Variants in HS3ST4 observed in about 807,000 individuals in gnomAD.
HS3ST4 encodes heparan sulfate-glucosamine 3-sulfotransferase 4.
In HS3ST4, 17 loss-of-function variants were observed where a neutral mutation model predicts 29.2. The observed-to-expected ratio is 0.58, with a 90% CI of 0.40 to 0.87. The LOEUF is 0.87. HS3ST4 is among the 40% of genes least tolerant of loss of function. The pLI is 0.00. For synonymous variants in HS3ST4, 314 were observed against 285.7 expected (o/e 1.10, Z -1.00); for missense variants, 627 against 634.5 (o/e 0.99, Z 0.13).
chr16:26,041,977 T>G (rs1250271457), intron 1 of HS3ST4, among the ~76,000 whole-genome samples: 1 of 152,164 alleles, frequency 6.6e-6, no homozygotes, highest in African/African-American at 2.4e-5. Context: ...GTCATTAAGA[T>G]GTAGGTAGTA....
chr16:25,805,623 C>T (rs771913503), intron 1 of HS3ST4, among the ~76,000 whole-genome samples: 6 of 152,030 alleles, frequency 3.9e-5, no homozygotes, highest in Admixed American at 6.6e-5. Context: ...TGCCTGACCC[C>T]GGACTCCTAT....
intron 1 of HS3ST4, among the ~76,000 whole-genome samples, chr16:25,804,441 A>G (rs758821849): frequency 6.6e-6 from 1 of 152,106 alleles, no homozygotes; most frequent in Non-Finnish European, 1.5e-5. Context: ...TTAATTCCTT[A>G]ACTCCATCAG....
intron 1 of HS3ST4, among the ~76,000 whole-genome samples, chr16:25,787,454 C>T (rs754890136): frequency 6.6e-6 from 1 of 152,218 alleles, no homozygotes; most frequent in Admixed American, 6.5e-5. Context: ...CTTGTATACA[C>T]TCTTGCCTTA....
intron 1 of HS3ST4, among the ~76,000 whole-genome samples, chr16:26,037,220 G>T (rs191692918): frequency 6.6e-6 from 1 of 152,122 alleles, no homozygotes; most frequent in Non-Finnish European, 1.5e-5. Flanking sequence ...CACCTGCTAC[G>T]TGCCTTTCCA....
At chr16:25,995,378 C>A (rs1596638968) in intron 1 of HS3ST4, among the ~76,000 whole-genome samples, 1 of 152,312 alleles carries the variant, frequency 6.6e-6, no homozygotes, top group South Asian at 2.1e-4. Context: ...CTTGTCCCAG[C>A]TCTTGGTTAT....
chr16:26,011,501 A>C (rs1279474552), intron 1 of HS3ST4, among the ~76,000 whole-genome samples: 1 of 152,194 alleles, frequency 6.6e-6, no homozygotes, highest in African/African-American at 2.4e-5. Context: ...CAGAAGTTGC[A>C]GTGAGCTGAG....
intron 1 of HS3ST4, among the ~76,000 whole-genome samples, chr16:25,697,883 G>C (rs1966309242): frequency 6.6e-6 from 1 of 152,066 alleles, no homozygotes; most frequent in African/African-American, 2.4e-5. Flanking sequence ...ATGTTGGCCA[G>C]GATGGTCTCG....
intron 1 of HS3ST4, among the ~76,000 whole-genome samples, chr16:25,693,972 T>G (rs1027805775): frequency 4.6e-5 from 7 of 152,186 alleles, no homozygotes; most frequent in African/African-American, 1.7e-4. Context: ...TAAAATAAAT[T>G]AATAATCCAG....
rs1024412229 is a variant in HS3ST4 at position 25,759,595 on chromosome 16, C to T, written c.734+66444C>T. Reference sequence around the variant, plus strand: ...AGCTGAGAGCCGAAGGATGGAGTTCCGTGTTAGAAGAGAGGAGGGAGAGGC... The same window carrying T: ...AGCTGAGAGCCGAAGGATGGAGTTCTGTGTTAGAAGAGAGGAGGGAGAGGC... On this transcript the variant is annotated intron_variant, in intron 1 of 1. Transcript: ENST00000331351. Among the ~76,000 whole-genome samples the T allele has an allele frequency of 3.9e-5, 6 of 152,038 alleles. No individual in the cohort carries two copies. The East Asian group carries it at 5.8e-4, about 15-fold the overall frequency.
chr16:25,799,956 T>A (rs1966915377), intron 1 of HS3ST4, among the ~76,000 whole-genome samples: 1 of 152,074 alleles, frequency 6.6e-6, no homozygotes, highest in Admixed American at 6.6e-5. Flanking sequence ...GCTCAAGTGA[T>A]CCTTCCGCAT....
intron 1 of HS3ST4, among the ~76,000 whole-genome samples, chr16:25,958,758 G>T (rs141111814): frequency 1.1e-3 from 163 of 152,320 alleles, no homozygotes; most frequent in African/African-American, 3.7e-3. Context: ...GAGCTCAGTT[G>T]TTGGAGGGTA....
chr16:25,700,339 G>A (rs1427271198), intron 1 of HS3ST4, among the ~76,000 whole-genome samples: 1 of 152,148 alleles, frequency 6.6e-6, no homozygotes, highest in East Asian at 1.9e-4. Flanking sequence ...CCCCGGGTAA[G>A]TTCAGAGACA....
chr16:26,031,313 C>G (rs919039905), intron 1 of HS3ST4, among the ~76,000 whole-genome samples: 2 of 152,182 alleles, frequency 1.3e-5, no homozygotes, highest in African/African-American at 2.4e-5. Context: ...GATCATTCAG[C>G]AGCTCCCAGA....
At chr16:25,959,266 G>C (rs944659485) in intron 1 of HS3ST4, among the ~76,000 whole-genome samples, 1 of 152,162 alleles carries the variant, frequency 6.6e-6, no homozygotes, top group South Asian at 2.1e-4. Flanking sequence ...AGTTGGGTCT[G>C]AAAAACATTT....
intron 1 of HS3ST4, among the ~76,000 whole-genome samples, chr16:25,723,000 G>C (rs112191334): frequency 6.6e-6 from 1 of 152,212 alleles, no homozygotes; most frequent in East Asian, 1.9e-4. Flanking sequence ...TACATGACAG[G>C]AGACAAGAGA....
At chr16:26,061,351 C>T (rs1230177311) in intron 1 of HS3ST4, among the ~76,000 whole-genome samples, 2 of 152,168 alleles carry the variant, frequency 1.3e-5, no homozygotes, top group African/African-American at 2.4e-5. Flanking sequence ...TGCTGAACGG[C>T]GTGGTCCTGG....
At chr16:25,877,807 T>A (rs1967848537) in intron 1 of HS3ST4, among the ~76,000 whole-genome samples, 1 of 152,222 alleles carries the variant, frequency 6.6e-6, no homozygotes, top group Admixed American at 6.5e-5. Flanking sequence ...CTTCCTTGTA[T>A]AACACTGTAG....
In HS3ST4 at chr16:25,974,275, A is replaced by T. The variant is rs538806039; in HGVS notation, c.735-161337A>T. On this transcript the variant is annotated intron_variant, in intron 1 of 1. Coordinates refer to ENST00000331351, the MANE Select transcript of HS3ST4 (RefSeq NM_006040.3). ...CACTAGATTTTGCAAATCATCAGAAAGCCCTCCATAGTCTCCAGGATCATT... is the reference window on the plus strand; with the variant it reads ...CACTAGATTTTGCAAATCATCAGAATGCCCTCCATAGTCTCCAGGATCATT... Among the ~76,000 whole-genome samples the T allele has an allele frequency of 1.5e-4, 23 of 152,304 alleles. No homozygotes were observed. In the South Asian group the frequency reaches 4.8e-3, roughly 32 times the overall value.
chr16:25,805,483 C>T (rs113243488), intron 1 of HS3ST4, among the ~76,000 whole-genome samples: 5 of 152,208 alleles, frequency 3.3e-5, no homozygotes, highest in African/African-American at 1.2e-4. Flanking sequence ...AGCTCTCCCA[C>T]TTCATGATTT....
Sources: gnomAD v4.1 joint callset for allele counts (sites outside exome capture counted in the v4.1 genomes callset) on GRCh38, gnomAD v4.1.1 for gene constraint, MANE v1.5 for transcripts, NCBI Gene and HGNC (gene_info 2026-07-23, HGNC 2026-07-21) for gene names.